The following SLIT3 variants were observed in gnomAD, a reference collection of about 807,000 sequenced individuals.
The protein encoded by SLIT3 is slit guidance ligand 3, also known as slit homolog 3 protein.
In SLIT3, 68 loss-of-function variants were observed where a neutral mutation model predicts 184.0. The ratio of observed to expected loss-of-function variants is 0.37; its 90% CI spans 0.30 to 0.45. SLIT3 has a LOEUF of 0.45. Among genes scored for constraint, SLIT3 ranks in the 20% least tolerant of loss-of-function variants. The pLI is 1.00. For missense variants in SLIT3, 1,707 were observed against 2,026.0 expected (o/e 0.84, Z 3.02); for synonymous variants, 831 against 828.6 (o/e 1.00, Z -0.05).
intron 4 of SLIT3, among the ~76,000 whole-genome samples, chr5:168,933,177 T>A (rs1215143716): frequency 6.6e-6 from 1 of 152,118 alleles, no homozygotes; most frequent in Non-Finnish European, 1.5e-5. Context: ...TTAATAACAT[T>A]AGCATATGAG....
intron 4 of SLIT3, among the ~76,000 whole-genome samples, chr5:168,899,020 T>C (rs1760778495): frequency 6.6e-6 from 1 of 152,238 alleles, no homozygotes; most frequent in Non-Finnish European, 1.5e-5. Context: ...TAATCTCTTT[T>C]GTAAAAGTCA....
At chr5:168,840,044 G>T (rs1255873373) in intron 6 of SLIT3, among the ~76,000 whole-genome samples, 1 of 152,170 alleles carries the variant, frequency 6.6e-6, no homozygotes, top group African/African-American at 2.4e-5. Flanking sequence ...GACACCTAAG[G>T]TCCTACCAGC....
At chr5:169,097,736 C>T (rs1048205202) in intron 4 of SLIT3, among the ~76,000 whole-genome samples, 1 of 152,186 alleles carries the variant, frequency 6.6e-6, no homozygotes, top group Non-Finnish European at 1.5e-5. Context: ...CAGGTTGGCA[C>T]TGGTGCCTTG....
At chr5:168,843,385 CT>C (rs1228565194) in intron 6 of SLIT3, among the ~76,000 whole-genome samples, 1 of 152,184 alleles carries the variant, frequency 6.6e-6, no homozygotes, top group African/African-American at 2.4e-5. Flanking sequence ...TTCATTGATT[CT>C]TCTGGAATCA....
chr5:168,911,529 G>A (rs140631594), intron 4 of SLIT3, among the ~76,000 whole-genome samples: 8 of 152,252 alleles, frequency 5.3e-5, no homozygotes, highest in East Asian at 1.9e-4. Context: ...AAACCGGCTC[G>A]CCACATACAA....
chr5:169,188,922 G>A (rs1279634037), intron 4 of SLIT3, among the ~76,000 whole-genome samples: 2 of 152,130 alleles, frequency 1.3e-5, no homozygotes, highest in South Asian at 2.1e-4. Context: ...CCTGTCCTCT[G>A]CTCTGGGTCA....
intron 20 of SLIT3, among the ~76,000 whole-genome samples, chr5:168,728,294 AT>A (rs1763198329): frequency 6.6e-6 from 1 of 150,512 alleles, no homozygotes; most frequent in African/African-American, 2.4e-5. Flanking sequence ...ATATATATAT[AT>A]ATATATCCTC....
chr5:169,207,815 C>T (rs1299096053), intron 3 of SLIT3, among the ~76,000 whole-genome samples: 1 of 152,144 alleles, frequency 6.6e-6, no homozygotes, highest in Admixed American at 6.6e-5. Context: ...GGGTGGAGCC[C>T]TCATGAATGG....
intron 4 of SLIT3, among the ~76,000 whole-genome samples, chr5:169,113,226 C>T (rs979686630): frequency 6.6e-6 from 1 of 152,098 alleles, no homozygotes; most frequent in African/African-American, 2.4e-5. Flanking sequence ...TCCTCATTTG[C>T]CCTTCCCTAC....
intron 5 of SLIT3, among the ~76,000 whole-genome samples, chr5:168,850,618 A>C (rs977541801): frequency 1.1e-4 from 16 of 152,258 alleles, no homozygotes; most frequent in African/African-American, 3.9e-4. Flanking sequence ...ACAAAGTCCT[A>C]GGTTAATTAA....
chr5:168,877,607 G>T, intron 5 of SLIT3, among the ~76,000 whole-genome samples: 1 of 152,172 alleles, frequency 6.6e-6, no homozygotes, highest in Admixed American at 6.5e-5. Flanking sequence ...GCTCACCGGG[G>T]CGGAGACAGC....
chr5:169,081,804 C>T (rs557199356), intron 4 of SLIT3, among the ~76,000 whole-genome samples: 1 of 152,268 alleles, frequency 6.6e-6, no homozygotes, highest in South Asian at 2.1e-4. Context: ...CAGGCCAGAC[C>T]CTGTGCTTTG....
Position 168,724,575 on chromosome 5 carries a change from G to C in SLIT3, c.2271-91C>G, listed in dbSNP as rs550491907. The stretch of plus-strand genomic sequence containing the variant: ...GAAGCCTCCCTGACTTTCCAGGCTG[G>C]ATTAGGTCCCTCTTTTACTCTTAGA... On this transcript the variant is annotated intron_variant, in intron 20 of 35. Coordinates refer to ENST00000519560, the MANE Select transcript of SLIT3 (RefSeq NM_003062.4). 3.0e-5 allele frequency: 30 copies of C among 983,852 alleles called. No homozygotes were observed. In the African/African-American group the frequency reaches 4.3e-4, roughly 14 times the overall value. The allele number at this position is 983,852 out of a possible 1,614,324, so 60.9% of individuals were successfully genotyped here.
At chr5:169,078,095 G>C (rs959254986) in intron 4 of SLIT3, among the ~76,000 whole-genome samples, 1 of 152,064 alleles carries the variant, frequency 6.6e-6, no homozygotes, top group Non-Finnish European at 1.5e-5. Context: ...TGTTCATTTT[G>C]CTTCACCCAC....
At chr5:168,860,208 C>G (rs1759051184) in intron 5 of SLIT3, among the ~76,000 whole-genome samples, 1 of 152,180 alleles carries the variant, frequency 6.6e-6, no homozygotes, top group Non-Finnish European at 1.5e-5. Context: ...AGAAGAATTA[C>G]TTAAAATCCT....
In SLIT3 at chr5:168,802,896, T is replaced by C. The variant is rs556014543; in HGVS notation, c.935+3550A>G. ...CCAGTAAGGAGGTGCCATTAGCCTC[T>C]GCGTTTTGCAACTGAGGAAACCAAG... On this transcript the variant is annotated intron_variant, in intron 9 of 35. Coordinates refer to ENST00000519560, the MANE Select transcript of SLIT3 (RefSeq NM_003062.4). Among the ~76,000 whole-genome samples, 5 of 152,364 alleles carry C rather than the reference T, an allele frequency of 3.3e-5. No individual in the cohort carries two copies. In the South Asian group the frequency reaches 1.0e-3, roughly 32 times the overall value.
chr5:168,772,873 G>A lies in SLIT3; in HGVS notation c.1367C>T (p.Pro456Leu). 1 of 1,614,106 alleles carries A rather than the reference G, an allele frequency of 6.2e-7. No homozygotes were observed. Among genetic ancestry groups the A allele is most frequent in the Non-Finnish European group, 8.5e-7 (1 of 1,180,030 alleles). Residue 456 changes from proline to leucine, a missense_variant, in exon 14 of 36, where the codon CCC becomes CTC. Around this residue, in one of 3 missense-constraint regions of SLIT3, gnomAD observed 1,307 missense variants for 1,511.6 expected, o/e 0.86. Coordinates refer to ENST00000519560, the MANE Select transcript of SLIT3 (RefSeq NM_003062.4). ...KWLADYLQDN[P>L]IETSGARCSS... ...GCAGCGGGCCCCGCTTGTCTCGATGGGGTTGTCCTGGAGGTAGTCGGCCAG... is the reference window on the plus strand; with the variant it reads ...GCAGCGGGCCCCGCTTGTCTCGATGAGGTTGTCCTGGAGGTAGTCGGCCAG...
chr5:169,121,316 G>A (rs977914027), intron 4 of SLIT3, among the ~76,000 whole-genome samples: 2 of 152,178 alleles, frequency 1.3e-5, no homozygotes, highest in Non-Finnish European at 2.9e-5. Flanking sequence ...ATTCAAGAGA[G>A]GGCTAGATTA....
chr5:169,164,566 C>A (rs1192357429), intron 4 of SLIT3, among the ~76,000 whole-genome samples: 1 of 152,184 alleles, frequency 6.6e-6, no homozygotes, highest in Non-Finnish European at 1.5e-5. Flanking sequence ...TCTCTCCGGG[C>A]TGTTCTGTCA....
Sources: gnomAD v4.1 joint callset for allele counts (sites outside exome capture counted in the v4.1 genomes callset) on GRCh38, gnomAD v4.1.1 for gene constraint, gnomAD v4.1.1 regional missense constraint, MANE v1.5 for transcripts, NCBI Gene and HGNC (gene_info 2026-07-23, HGNC 2026-07-21) for gene names.